The following DYSF variants were observed in gnomAD, a reference collection of about 807,000 sequenced individuals.
The protein encoded by DYSF is dystrophy-associated fer-1-like 1.
In DYSF, 212 loss-of-function variants were observed where a neutral mutation model predicts 274.9. The observed-to-expected ratio is 0.77, with a 90% CI of 0.69 to 0.86. The LOEUF is 0.86. DYSF is among the 40% of genes least tolerant of loss of function. The probability of loss-of-function intolerance (pLI) is 0.00; values close to 1 mark genes in which losing one functional copy is unlikely to be tolerated. For missense variants in DYSF, 2,666 were observed against 2,783.2 expected (o/e 0.96, Z 0.95); for synonymous variants, 1,091 against 1,078.7 (o/e 1.01, Z -0.22).
chr2:71,575,187 G>T (rs745831195), intron 30 of DYSF, among the ~76,000 whole-genome samples: 1 of 152,138 alleles, frequency 6.6e-6, no homozygotes, highest in Non-Finnish European at 1.5e-5. Context: ...GAAGGCTGGA[G>T]GAGTGCTGTG....
chr2:71,526,232 G>C lies in DYSF; in HGVS notation c.1162G>C (p.Asp388His). Residue 388 changes from aspartate (D) to histidine (H), a missense_variant, in exon 13 of 56, where the codon GAC becomes CAC. Asp to His is a moderately conservative substitution (Grantham distance 81). Around this residue, in one of 3 missense-constraint regions of DYSF, gnomAD observed 794 missense variants for 777.1 expected, o/e 1.02. Coordinates refer to ENST00000410020, the MANE Select transcript of DYSF (RefSeq NM_001130987.2). ...GTTTTCTTTGTAGCTGGAGAGAAAA[G>C]ACCCCTCTGAAGACAAGGAGGACAT... ...PGDEAPLERK[D>H]PSEDKEDIES... The C allele has an allele frequency of 1.2e-6, 2 of 1,614,244 alleles. No individual in the cohort carries two copies. Among genetic ancestry groups the C allele is most frequent in the Non-Finnish European group, 1.7e-6 (2 of 1,180,040 alleles).
At chr2:71,456,152 C>T (rs1007887142) in intron 1 of DYSF, among the ~76,000 whole-genome samples, 3 of 151,852 alleles carry the variant, frequency 2.0e-5, no homozygotes, top group African/African-American at 7.3e-5. Context: ...CCTGGCTCTT[C>T]GGGGTAGGCT....
intron 17 of DYSF, among the ~76,000 whole-genome samples, chr2:71,543,804 T>C (rs892398275): frequency 2.6e-5 from 4 of 151,582 alleles, no homozygotes; most frequent in African/African-American, 9.7e-5. Context: ...TGAGCAGAGA[T>C]GGCGGCAGTA....
chr2:71,596,722 C>A (rs1324742352), intron 32 of DYSF, among the ~76,000 whole-genome samples: 1 of 152,204 alleles, frequency 6.6e-6, no homozygotes, highest in Non-Finnish European at 1.5e-5. Flanking sequence ...TTGCCCTCTT[C>A]TGTTCCACAG....
chr2:71,635,763 AAAG>A (rs2094391587), intron 41 of DYSF, among the ~76,000 whole-genome samples: 28 of 109,930 alleles, frequency 2.5e-4, no homozygotes, highest in Middle Eastern at 8.5e-3. Flanking sequence ...AAAAAAAAAA[AAAG>A]AAAGAAAAAA....
intron 52 of DYSF, among the ~76,000 whole-genome samples, chr2:71,675,116 C>A (rs1048490919): frequency 1.3e-5 from 2 of 148,862 alleles, no homozygotes; most frequent in South Asian, 2.1e-4. Context: ...TCCATAGAGA[C>A]GGAAAATAGG....
At chr2:71,681,998 C>T (rs2095302556) in intron 54 of DYSF, among the ~76,000 whole-genome samples, 1 of 152,204 alleles carries the variant, frequency 6.6e-6, no homozygotes, top group Admixed American at 6.5e-5. Flanking sequence ...ACCCAGAATC[C>T]TCCACGTATT....
At chr2:71,525,696 GT>G (rs2087799828) in intron 12 of DYSF, among the ~76,000 whole-genome samples, 1 of 125,250 alleles carries the variant, frequency 8.0e-6, no homozygotes, top group South Asian at 2.3e-4. Flanking sequence ...TGCTGAAAGT[GT>G]TTTCCCTGCA....
At chr2:71,458,371 A>C (rs964550401) in intron 1 of DYSF, among the ~76,000 whole-genome samples, 2 of 152,122 alleles carry the variant, frequency 1.3e-5, no homozygotes, top group African/African-American at 4.8e-5. Flanking sequence ...TGCTTGGTGA[A>C]TTCTATCCTC....
rs540535613 is a variant in DYSF, at chr2:71,587,229, C to A, written c.3403-2364C>A. Reference sequence around the variant, plus strand: ...GGTTGCCAGCGCTGCAGGGCCAGGCCAAACGCCTCTCCTGGCAGGGGCCCA... The same window carrying A: ...GGTTGCCAGCGCTGCAGGGCCAGGCAAAACGCCTCTCCTGGCAGGGGCCCA... On this transcript the variant is annotated intron_variant, in intron 30 of 55. Transcript: ENST00000410020. Among the ~76,000 whole-genome samples the A allele has an allele frequency of 5.9e-5, 9 of 152,286 alleles. No homozygotes were observed. The East Asian group carries it at 1.4e-3, about 23-fold the overall frequency.
At chr2:71,600,202 G>T (rs1224934741) in intron 33 of DYSF, among the ~76,000 whole-genome samples, 1 of 152,234 alleles carries the variant, frequency 6.6e-6, no homozygotes, top group Non-Finnish European at 1.5e-5. Flanking sequence ...TGAAGAAAAG[G>T]CACCTGCCTT....
Position 71,551,702 on chromosome 2 carries a change from T to A in DYSF, c.1788T>A (p.Asp596Glu), listed in dbSNP as rs2090959782. ...AGAAGGTGGAGGACCTTCCTGCGGA[T>A]GACATCCTCCGGGTGGAGGTGAGGG... is the stretch of plus-strand genomic sequence containing the variant. ...SEQKVEDLPA[D>E]DILRVEKYLR... The change falls in exon 19 of 56, where the codon GAT (aspartate) becomes GAA (glutamate). Residue 596 changes from aspartate (D) to glutamate (E), a missense_variant. Transcript: ENST00000410020. 3.1e-6 allele frequency: 5 copies of A among 1,607,964 alleles called. No homozygotes were observed. Among genetic ancestry groups the A allele is most frequent in the Non-Finnish European group, 2.5e-6 (3 of 1,178,618 alleles).
chr2:71,605,064 G>A (rs370520895), intron 36 of DYSF, among the ~76,000 whole-genome samples: 198 of 152,284 alleles, frequency 1.3e-3, no homozygotes, highest in African/African-American at 4.2e-3. Flanking sequence ...TGATGTCCGG[G>A]AGATCTGGGT....
chr2:71,570,898 A>C (rs2092380851), intron 29 of DYSF, 157 bp downstream of exon 29: 1 of 1,059,676 alleles, frequency 9.4e-7, no homozygotes, highest in South Asian at 1.6e-5. Flanking sequence ...CACACCCAGC[A>C]TACCCAAAGA....
intron 40 of DYSF, among the ~76,000 whole-genome samples, chr2:71,618,412 G>GT (rs1558639986): frequency 3.1e-4 from 2 of 6,410 alleles, no homozygotes; most frequent in African/African-American, 7.3e-4. Flanking sequence ...TGGTAGAGGT[G>GT]GTGTGTGTGT....
chr2:71,659,059 C>A, intron 44 of DYSF, 26 bp downstream of exon 44: 1 of 1,613,988 alleles, frequency 6.2e-7, no homozygotes, highest in Non-Finnish European at 8.5e-7. Context: ...CCCTCACCTC[C>A]CCCAGAGTAG....
intron 33 of DYSF, among the ~76,000 whole-genome samples, chr2:71,599,239 A>G (rs961538911): frequency 6.6e-6 from 1 of 152,018 alleles, no homozygotes; most frequent in Non-Finnish European, 1.5e-5. Context: ...TCTTACCACA[A>G]CTGTCCCACA....
intron 40 of DYSF, 47 bp from the exon 41 acceptor site, chr2:71,620,500 A>C: frequency 6.5e-7 from 1 of 1,549,136 alleles, no homozygotes; most frequent in African/African-American, 1.4e-5. Flanking sequence ...GCCTTCCCTA[A>C]AGTGGGTTCT....
At chr2:71,587,987 C>G (rs573450004) in intron 30 of DYSF, among the ~76,000 whole-genome samples, 122 of 152,290 alleles carry the variant, frequency 8.0e-4, no homozygotes, top group Non-Finnish European at 1.5e-3. Context: ...GATGCAATTC[C>G]TTTTTGACCC....
Sources: gnomAD v4.1 joint callset for allele counts (sites outside exome capture counted in the v4.1 genomes callset) on GRCh38, gnomAD v4.1.1 for gene constraint, gnomAD v4.1.1 regional missense constraint, MANE v1.5 for transcripts, NCBI Gene and HGNC (gene_info 2026-07-23, HGNC 2026-07-21) for gene names.